The following YAE1 variants were observed in gnomAD, a reference collection of about 807,000 sequenced individuals.
YAE1 encodes the protein YAE1 maturation factor of ABCE1, also known as protein YAE1 homolog.
A neutral mutation model predicts 23.0 loss-of-function variants in YAE1; 22 were observed. The ratio of observed to expected loss-of-function variants is 0.96; its 90% confidence interval spans 0.68 to 1.37. YAE1 has a LOEUF of 1.37. YAE1 is among the 40% of genes most tolerant of loss of function. The pLI, the probability that YAE1 is intolerant of heterozygous loss-of-function variation, is 0.00. For synonymous variants in YAE1, 101 were observed against 97.0 expected (o/e 1.04, Z -0.24); for missense variants, 260 against 262.1 (o/e 0.99, Z 0.06).
chr7:39,598,784 CAA>C (rs60563799), intron 2 of YAE1, among the ~76,000 whole-genome samples: 52 of 77,140 alleles, frequency 6.7e-4, no homozygotes, highest in Admixed American at 9.8e-4. Context: ...GGTCCTGTCT[CAA>C]AAAAAAAAAA....
At chr7:39,604,018 A>T (rs566450114) in intron 2 of YAE1, among the ~76,000 whole-genome samples, 1 of 152,230 alleles carries the variant, frequency 6.6e-6, no homozygotes, top group African/African-American at 2.4e-5. Flanking sequence ...ATTCAACTTG[A>T]CTTAAATAAT....
At chr7:39,594,831 A>G (rs965263087) in intron 2 of YAE1, among the ~76,000 whole-genome samples, 4 of 152,124 alleles carry the variant, frequency 2.6e-5, no homozygotes, top group Non-Finnish European at 5.9e-5. Flanking sequence ...TCTGAGCTCA[A>G]GCAATCCACC....
chr7:39,588,671 C>T (rs969626853), intron 2 of YAE1, among the ~76,000 whole-genome samples: 6 of 152,244 alleles, frequency 3.9e-5, no homozygotes, highest in African/African-American at 1.4e-4. Context: ...TTGCTTAGTA[C>T]TAACGTTGTT....
intron 2 of YAE1, among the ~76,000 whole-genome samples, chr7:39,601,469 A>T (rs1459632471): frequency 6.6e-6 from 1 of 152,046 alleles, no homozygotes; most frequent in East Asian, 1.9e-4. Flanking sequence ...GTAACAATAA[A>T]CTATAAAGGG....
chr7:39,586,055 G>A (rs1344959117), intron 2 of YAE1, among the ~76,000 whole-genome samples: 1 of 152,044 alleles, frequency 6.6e-6, no homozygotes, highest in Non-Finnish European at 1.5e-5. Flanking sequence ...AGCCGCGATC[G>A]CACCACCGCA....
downstream of YAE1, among the ~76,000 whole-genome samples, chr7:39,575,987 C>T (rs1039991163): frequency 1.3e-5 from 2 of 152,142 alleles, no homozygotes; most frequent in Non-Finnish European, 2.9e-5. Context: ...GCTAACTCTC[C>T]CCGACTCTGA....
intron 1 of YAE1, among the ~76,000 whole-genome samples, chr7:39,568,993 A>G (rs541014718): frequency 6.6e-6 from 1 of 152,326 alleles, no homozygotes; most frequent in South Asian, 2.1e-4. Flanking sequence ...TTTCACACAC[A>G]TGAAACTGAG....
exon 3 of YAE1, chr7:39,610,175 A>C: frequency 2.9e-6 from 2 of 689,200 alleles, no homozygotes. Flanking sequence ...AGTATGAGAA[A>C]ATCCTCAATA....
At chr7:39,586,391 C>G (rs1790814209) in intron 2 of YAE1, among the ~76,000 whole-genome samples, 1 of 150,548 alleles carries the variant, frequency 6.6e-6, no homozygotes, top group Non-Finnish European at 1.5e-5. Context: ...TCAGGATGGT[C>G]TCAATCTCCT....
At chr7:39,608,811 C>T (rs1479746996) in intron 2 of YAE1, among the ~76,000 whole-genome samples, 2 of 152,126 alleles carry the variant, frequency 1.3e-5, no homozygotes, top group African/African-American at 2.4e-5. Context: ...GGAGTGTAAA[C>T]AAATACTTTT....
intron 2 of YAE1, among the ~76,000 whole-genome samples, chr7:39,587,347 G>A (rs1304424961): frequency 6.6e-6 from 1 of 151,558 alleles, no homozygotes; most frequent in Non-Finnish European, 1.5e-5. Context: ...TGTTGCTCCA[G>A]CCTGGGCAAC....
intron 2 of YAE1, among the ~76,000 whole-genome samples, chr7:39,590,118 C>T (rs1438024257): frequency 2.0e-5 from 3 of 152,168 alleles, no homozygotes; most frequent in African/African-American, 4.8e-5. Context: ...AGAGTGTATA[C>T]ATAAGTCATT....
chr7:39,569,420 C>T, intron 1 of YAE1: 2 of 475,850 alleles, frequency 4.2e-6, no homozygotes, highest in Non-Finnish European at 8.3e-6. Context: ...TGTGTTATGG[C>T]ATTCTGTGGA....
chr7:39,572,974 G>A, downstream of YAE1: 1 of 882,976 alleles, frequency 1.1e-6, no homozygotes, highest in Non-Finnish European at 1.4e-6. Flanking sequence ...TCAAAATGAA[G>A]TGTTTTCAGA....
At chr7:39,589,350 G>A (rs1332936256) in intron 2 of YAE1, among the ~76,000 whole-genome samples, 1 of 151,896 alleles carries the variant, frequency 6.6e-6, no homozygotes, top group African/African-American at 2.4e-5. Context: ...TCATTGGCTG[G>A]GTATGAAGAA....
chr7:39,581,955 TCTCA>T (rs932441346), intron 2 of YAE1, among the ~76,000 whole-genome samples: 9 of 151,634 alleles, frequency 5.9e-5, no homozygotes, highest in African/African-American at 1.7e-4. Flanking sequence ...AGAGATGGAG[TCTCA>T]CTCTGTCACT....
chr7:39,600,643 C>T (rs922062775), intron 2 of YAE1, among the ~76,000 whole-genome samples: 1 of 152,122 alleles, frequency 6.6e-6, no homozygotes, highest in Admixed American at 6.5e-5. Context: ...GTGATCCACC[C>T]GCCTCGGCCT....
chr7:39,566,841 A>T lies in YAE1; in HGVS notation c.129+294A>T, dbSNP rs558944853. On this transcript the variant is annotated intron_variant, in intron 1 of 2. Coordinates refer to ENST00000223273, the MANE Select transcript of YAE1 (RefSeq NM_020192.5). ...GTTTGTTGAGGATCACAGGGAAAGG[A>T]GCTGGAGAGAAACATACACTATACT... 6.6e-4 allele frequency: 207 copies of T among 314,802 alleles called. 3 individuals are homozygous for T. The East Asian group carries it at 0.014, about 21-fold the overall frequency. The allele number at this position is 314,802 out of a possible 1,614,324, so 19.5% of individuals were successfully genotyped here. A position where few individuals can be genotyped will look rare whatever the true frequency, so the allele number is the denominator to read the frequency against.
At chr7:39,603,200 A>G (rs1357405640) in intron 2 of YAE1, among the ~76,000 whole-genome samples, 1 of 152,004 alleles carries the variant, frequency 6.6e-6, no homozygotes, top group African/African-American at 2.4e-5. Flanking sequence ...CCCAGGCTGG[A>G]GTGCAGTGGC....
Sources: allele counts gnomAD v4.1 joint callset (sites outside exome capture counted in the v4.1 genomes callset), GRCh38; gene constraint gnomAD v4.1.1; transcripts MANE v1.5; gene names NCBI Gene and HGNC (gene_info 2026-07-23, HGNC 2026-07-21).